WDR7: variants seen among roughly 807,000 people sequenced by gnomAD.
WDR7 encodes the protein WD repeat domain 7, also known as WD repeat-containing protein 7.
A neutral mutation model predicts 169.4 loss-of-function variants in WDR7; 46 were observed. That is an observed-to-expected ratio of 0.27 (90% CI 0.21 to 0.35). The LOEUF is 0.35. Among genes scored for constraint, WDR7 ranks in the 10% least tolerant of loss-of-function variants. WDR7 has a pLI of 1.00. For synonymous variants in WDR7, 612 were observed against 666.8 expected (o/e 0.92, Z 1.27); for missense variants, 1,534 against 1,859.3 (o/e 0.83, Z 3.22).
intron 20 of WDR7, among the ~76,000 whole-genome samples, chr18:56,855,764 T>C (rs916351644): frequency 6.6e-6 from 1 of 152,218 alleles, no homozygotes; most frequent in Non-Finnish European, 1.5e-5. Flanking sequence ...TCTTCAGAAG[T>C]GTCTTGGTTA....
At chr18:56,726,224 T>A (rs1370759831) in intron 13 of WDR7, among the ~76,000 whole-genome samples, 7 of 152,186 alleles carry the variant, frequency 4.6e-5, no homozygotes, top group Non-Finnish European at 7.3e-5. Context: ...TGGCATTGAA[T>A]CTATAAATTA....
chr18:56,834,453 T>C (rs901227295), intron 20 of WDR7, among the ~76,000 whole-genome samples: 5 of 151,928 alleles, frequency 3.3e-5, no homozygotes, highest in Admixed American at 2.6e-4. Flanking sequence ...TTTCGTTCCT[T>C]CCATATTTTG....
At chr18:56,968,652 C>T (rs760307783) in intron 26 of WDR7, among the ~76,000 whole-genome samples, 54 of 152,254 alleles carry the variant, frequency 3.5e-4, no homozygotes, top group Admixed American at 5.2e-4. Flanking sequence ...CCGTATAGAG[C>T]AGGAGGTAAA....
rs376543158 is a variant in WDR7 at position 56,672,465 on chromosome 18, G to A, written c.-19-32G>A. 7 of 1,374,570 alleles carry A rather than the reference G, an allele frequency of 5.1e-6. No individual in the cohort carries two copies. In the East Asian group the frequency reaches 1.4e-4, roughly 27 times the overall value. 85.1% of individuals were successfully genotyped at this position (1,374,570 alleles called of 1,614,324 possible). A position where few individuals can be genotyped will look rare whatever the true frequency, so the allele number is the denominator to read the frequency against. On this transcript the variant is annotated intron_variant, in intron 1 of 27. Coordinates refer to ENST00000254442, the MANE Select transcript of WDR7 (RefSeq NM_015285.3). ...ATAACATGTTTTCGAGAGAAATATTGTAATATCTGACAATTTTTATAACAT... is the reference window on the plus strand; with the variant it reads ...ATAACATGTTTTCGAGAGAAATATTATAATATCTGACAATTTTTATAACAT...
At chr18:56,856,613 TTTTA>T (rs1270607187) in intron 20 of WDR7, among the ~76,000 whole-genome samples, 3 of 151,878 alleles carry the variant, frequency 2.0e-5, no homozygotes, top group Non-Finnish European at 2.9e-5. Flanking sequence ...ATGATCAACA[TTTTA>T]TTTAAGAAAA....
chr18:57,015,331 G>A (rs1006039844), intron 26 of WDR7, among the ~76,000 whole-genome samples: 7 of 152,076 alleles, frequency 4.6e-5, no homozygotes, highest in Non-Finnish European at 1.5e-5. Flanking sequence ...TTTTAATGGC[G>A]TTATTATCTG....
intron 20 of WDR7, among the ~76,000 whole-genome samples, chr18:56,841,353 C>T (rs1295284488): frequency 6.6e-6 from 1 of 151,856 alleles, no homozygotes; most frequent in Non-Finnish European, 1.5e-5. Context: ...ACCAGCCTGG[C>T]CAACACGGTG....
intron 23 of WDR7, 132 bp from the exon 24 acceptor site, chr18:56,938,401 A>T: frequency 8.5e-7 from 1 of 1,173,878 alleles, no homozygotes; most frequent in Non-Finnish European, 1.2e-6. Context: ...TTTGTAAACA[A>T]AAGTATTTTC....
intron 14 of WDR7, among the ~76,000 whole-genome samples, chr18:56,736,955 T>G (rs1195532323): frequency 6.6e-6 from 1 of 152,090 alleles, no homozygotes; most frequent in African/African-American, 2.4e-5. Flanking sequence ...TTACTAGAAA[T>G]TGTTTCTTTG....
chr18:57,009,033 G>A (rs550858444), intron 26 of WDR7, among the ~76,000 whole-genome samples: 1 of 86,158 alleles, frequency 1.2e-5, no homozygotes, highest in Non-Finnish European at 3.1e-5. Flanking sequence ...GATAGTCTAA[G>A]TATAAGTCAG....
chr18:56,737,480 A>G (rs2026725780), intron 14 of WDR7, among the ~76,000 whole-genome samples: 1 of 152,188 alleles, frequency 6.6e-6, no homozygotes, highest in Admixed American at 6.5e-5. Context: ...CCTTATTTAT[A>G]GGGGAAAATG....
chr18:56,756,530 T>A (rs1415238509), intron 14 of WDR7, 53 bp from the exon 15 acceptor site: 1 of 1,361,594 alleles, frequency 7.3e-7, no homozygotes, highest in Non-Finnish European at 9.9e-7. Flanking sequence ...TTAATGAATG[T>A]ATGAAATTAA....
At chr18:56,978,148 C>CT (rs899084338) in intron 26 of WDR7, among the ~76,000 whole-genome samples, 1 of 152,180 alleles carries the variant, frequency 6.6e-6, no homozygotes, top group African/African-American at 2.4e-5. Context: ...GTGGACTGTC[C>CT]TTCACCCAAT....
chr18:56,952,379 A>C (rs1198210860), intron 25 of WDR7, among the ~76,000 whole-genome samples: 1 of 152,212 alleles, frequency 6.6e-6, no homozygotes, highest in East Asian at 1.9e-4. Context: ...CGTAGCAGCT[A>C]CTTTTCTCGT....
intron 26 of WDR7, among the ~76,000 whole-genome samples, chr18:56,985,303 CT>C (rs1361894647): frequency 2.6e-5 from 4 of 152,114 alleles, no homozygotes; most frequent in Non-Finnish European, 4.4e-5. Flanking sequence ...AAATATTATA[CT>C]TTTAAAATAA....
At chr18:56,844,625 C>T (rs191311315) in intron 20 of WDR7, among the ~76,000 whole-genome samples, 3 of 152,216 alleles carry the variant, frequency 2.0e-5, no homozygotes, top group Admixed American at 6.5e-5. Flanking sequence ...AAAGAGCTAC[C>T]GCTCTGCAGC....
At chr18:56,719,337 G>C (rs2026264085) in intron 13 of WDR7, among the ~76,000 whole-genome samples, 1 of 152,108 alleles carries the variant, frequency 6.6e-6, no homozygotes, top group African/African-American at 2.4e-5. Context: ...GCCGAGACGG[G>C]CGGATCACGA....
intron 20 of WDR7, among the ~76,000 whole-genome samples, chr18:56,869,157 A>C (rs1199028621): frequency 6.6e-6 from 1 of 152,192 alleles, no homozygotes; most frequent in Non-Finnish European, 1.5e-5. Flanking sequence ...ACACCTTCAG[A>C]GGAGTGATTA....
intron 1 of WDR7, among the ~76,000 whole-genome samples, chr18:56,655,589 C>G (rs2024749087): frequency 6.8e-6 from 1 of 146,236 alleles, no homozygotes; most frequent in African/African-American, 2.6e-5. Flanking sequence ...CCACTGCACT[C>G]TAGCCTGGGA....
Sources: allele counts gnomAD v4.1 joint callset (sites outside exome capture counted in the v4.1 genomes callset), GRCh38; gene constraint gnomAD v4.1.1; transcripts MANE v1.5; gene names NCBI Gene and HGNC (gene_info 2026-07-23, HGNC 2026-07-21).